The following METTL15 variants were observed in gnomAD, a reference collection of about 807,000 sequenced individuals.
METTL15 encodes 12S rRNA N(4)-cytidine methyltransferase METTL15.
A neutral mutation model predicts 38.3 loss-of-function variants in METTL15; 34 were observed. That is an observed-to-expected ratio of 0.89 (90% confidence interval 0.68 to 1.18). The LOEUF is 1.18. Ranked by LOEUF, METTL15 falls within the 50% of genes most tolerant of loss-of-function variation. METTL15 has a pLI of 0.00. For missense variants in METTL15, 438 were observed against 498.4 expected (o/e 0.88, Z 1.15); for synonymous variants, 162 against 170.9 (o/e 0.95, Z 0.41).
intron 6 of METTL15, among the ~76,000 whole-genome samples, chr11:28,462,856 T>C (rs1283699029): frequency 6.6e-6 from 1 of 152,102 alleles, no homozygotes; most frequent in Non-Finnish European, 1.5e-5. Flanking sequence ...AAATAACAAA[T>C]GTCCATTACA....
At chr11:28,474,992 CCTCT>C (rs1055349957) in intron 6 of METTL15, among the ~76,000 whole-genome samples, 9 of 152,016 alleles carry the variant, frequency 5.9e-5, no homozygotes, top group Admixed American at 3.3e-4. Flanking sequence ...GGTCCTCAAT[CCTCT>C]CTCTCTCTTA....
intron 4 of METTL15, among the ~76,000 whole-genome samples, chr11:28,216,595 G>A (rs1254198314): frequency 6.6e-6 from 1 of 151,850 alleles, no homozygotes; most frequent in Non-Finnish European, 1.5e-5. Context: ...AAATTTTAGG[G>A]TACATGTGCA....
chr11:28,140,432 T>C (rs1184412348), intron 3 of METTL15, among the ~76,000 whole-genome samples: 3 of 152,176 alleles, frequency 2.0e-5, no homozygotes, highest in Admixed American at 6.5e-5. Flanking sequence ...CATTCATTCT[T>C]ATCTGGCTCA....
At chr11:28,274,570 TATATA>T (rs1434856575) in intron 4 of METTL15, among the ~76,000 whole-genome samples, 4 of 152,130 alleles carry the variant, frequency 2.6e-5, no homozygotes, top group African/African-American at 9.6e-5. Flanking sequence ...AATGAATACA[TATATA>T]GAGTAGAATA....
intron 6 of METTL15, among the ~76,000 whole-genome samples, chr11:28,425,951 T>G (rs150148412): frequency 1.3e-4 from 20 of 152,322 alleles, no homozygotes; most frequent in Non-Finnish European, 2.9e-4. Context: ...ATTTATTTTT[T>G]AAAATTTTAA....
intron 6 of METTL15, among the ~76,000 whole-genome samples, chr11:28,508,169 C>T (rs978963979): frequency 6.6e-6 from 1 of 151,876 alleles, no homozygotes; most frequent in Non-Finnish European, 1.5e-5. Context: ...TCAGCCAGTC[C>T]CTCTTCAGTC....
intron 5 of METTL15, among the ~76,000 whole-genome samples, chr11:28,390,126 T>C (rs1850487120): frequency 6.6e-6 from 1 of 152,040 alleles, no homozygotes; most frequent in Non-Finnish European, 1.5e-5. Flanking sequence ...TTCTGGATAT[T>C]AGCCCTTTGT....
At chr11:28,195,639 T>C (rs1459071280) in intron 3 of METTL15, among the ~76,000 whole-genome samples, 1 of 152,150 alleles carries the variant, frequency 6.6e-6, no homozygotes, top group African/African-American at 2.4e-5. Flanking sequence ...TTTGCACATA[T>C]TTTCTCTCAT....
At chr11:28,283,199 GTTTT>G (rs1182893355) in intron 4 of METTL15, among the ~76,000 whole-genome samples, 2 of 151,982 alleles carry the variant, frequency 1.3e-5, no homozygotes, top group African/African-American at 4.8e-5. Flanking sequence ...CAAATTCAAA[GTTTT>G]TCTTGAAAAT....
At chr11:28,303,799 A>T (rs993714357) in intron 6 of METTL15, among the ~76,000 whole-genome samples, 2 of 152,186 alleles carry the variant, frequency 1.3e-5, no homozygotes, top group African/African-American at 2.4e-5. Flanking sequence ...TTTTTCCGTC[A>T]TGTTGAAGAG....
chr11:28,389,690 A>G (rs1379272043), intron 5 of METTL15, among the ~76,000 whole-genome samples: 1 of 151,754 alleles, frequency 6.6e-6, no homozygotes, highest in Non-Finnish European at 1.5e-5. Context: ...CACAATAAAC[A>G]TACGTGTGCA....
At chr11:28,305,327 C>A (rs542019077) in intron 6 of METTL15, among the ~76,000 whole-genome samples, 47 of 152,110 alleles carry the variant, frequency 3.1e-4, no homozygotes, top group South Asian at 1.2e-3. Context: ...TTAGCCCAAC[C>A]CTAATTTATT....
At chr11:28,297,217 T>G (rs1856773396) in intron 6 of METTL15, among the ~76,000 whole-genome samples, 1 of 152,122 alleles carries the variant, frequency 6.6e-6, no homozygotes, top group Non-Finnish European at 1.5e-5. Flanking sequence ...AGATTTTTAT[T>G]TTACACAGGA....
intron 3 of METTL15, among the ~76,000 whole-genome samples, chr11:28,128,220 G>A (rs932412240): frequency 4.0e-5 from 6 of 151,720 alleles, no homozygotes; most frequent in African/African-American, 1.2e-4. Context: ...TATAGGTTGG[G>A]TAAAAAATAA....
At chr11:28,532,346 C>G in the METTL15 span, among the ~76,000 whole-genome samples, 2 of 151,984 alleles carry the variant, frequency 1.3e-5, no homozygotes, top group Admixed American at 6.6e-5. Context: ...ATAGCTATAC[C>G]AGGGATTGTG....
intron 3 of METTL15, among the ~76,000 whole-genome samples, chr11:28,117,090 C>G (rs1851993530): frequency 6.6e-6 from 1 of 151,918 alleles, no homozygotes; most frequent in South Asian, 2.1e-4. Context: ...AAATGAAATT[C>G]TCTTCGTGCT....
At chr11:28,483,292 C>T (rs1248058767) in intron 6 of METTL15, among the ~76,000 whole-genome samples, 2 of 152,160 alleles carry the variant, frequency 1.3e-5, no homozygotes, top group African/African-American at 4.8e-5. Flanking sequence ...ACTGTTGACT[C>T]ATGGGCCTGA....
intron 6 of METTL15, among the ~76,000 whole-genome samples, chr11:28,433,211 A>T (rs371319716): frequency 6.0e-4 from 76 of 127,654 alleles, no homozygotes; most frequent in African/African-American, 1.7e-3. Context: ...TTATTCTCTT[A>T]CTCATTTGTT....
intron 5 of METTL15, among the ~76,000 whole-genome samples, chr11:28,364,144 C>T (rs574204267): frequency 2.2e-4 from 34 of 152,100 alleles, no homozygotes; most frequent in Non-Finnish European, 4.6e-4. Context: ...TTTTTGCTTA[C>T]GATTGCTTTG....
Sources: allele counts gnomAD v4.1 joint callset (sites outside exome capture counted in the v4.1 genomes callset), GRCh38; gene constraint gnomAD v4.1.1; transcripts MANE v1.5; gene names NCBI Gene and HGNC (gene_info 2026-07-23, HGNC 2026-07-21).